Variants in ARID1B observed in about 807,000 individuals in gnomAD.
The protein encoded by ARID1B is AT-rich interactive domain-containing protein 1B.
Under a neutral mutation model 212.3 loss-of-function variants are expected in ARID1B, and 30 were observed. The ratio of observed to expected loss-of-function variants is 0.14; its 90% confidence interval spans 0.11 to 0.19. The LOEUF (loss-of-function observed/expected upper bound fraction) is 0.19. Among genes scored for constraint, ARID1B ranks in the 10% least tolerant of loss-of-function variants. The pLI, the probability that ARID1B is intolerant of heterozygous loss-of-function variation, is 1.00. For missense variants in ARID1B, 2,891 were observed against 3,204.0 expected (o/e 0.90, Z 2.36); for synonymous variants, 1,402 against 1,301.7 (o/e 1.08, Z -1.66).
At chr6:156,874,593 C>G (rs1035889541) in intron 2 of ARID1B, among the ~76,000 whole-genome samples, 8 of 152,196 alleles carry the variant, frequency 5.3e-5, no homozygotes, top group Middle Eastern at 3.2e-3. Context: ...AGTGTGGCCT[C>G]TCTTTTGCAT....
At chr6:157,008,917 C>G (rs1049175911) in intron 4 of ARID1B, among the ~76,000 whole-genome samples, 5 of 152,134 alleles carry the variant, frequency 3.3e-5, no homozygotes, top group African/African-American at 1.2e-4. Context: ...CCAACTGCCT[C>G]CAGTGTTAAG....
chr6:156,793,669 A>T (rs1425849838), intron 1 of ARID1B, among the ~76,000 whole-genome samples: 1 of 152,176 alleles, frequency 6.6e-6, no homozygotes, highest in African/African-American at 2.4e-5. Context: ...TGGGCTGCAT[A>T]GGACTGATAC....
intron 4 of ARID1B, chr6:156,942,891 T>G (rs1792784817): frequency 6.6e-6 from 1 of 152,286 alleles, no homozygotes; most frequent in Non-Finnish European, 1.5e-5. Flanking sequence ...GATTTTCACT[T>G]CGCAGGTAAC....
chr6:156,994,717 T>G (rs1369362266), intron 4 of ARID1B, among the ~76,000 whole-genome samples: 1 of 152,150 alleles, frequency 6.6e-6, no homozygotes, highest in Non-Finnish European at 1.5e-5. Flanking sequence ...TCAGTGACAT[T>G]TAGTAACCTG....
intron 1 of ARID1B, among the ~76,000 whole-genome samples, chr6:156,814,154 G>A (rs1004255747): frequency 2.2e-4 from 33 of 152,180 alleles, no homozygotes; most frequent in African/African-American, 7.0e-4. Flanking sequence ...GGTGGCTCAC[G>A]TCTGTAATTC....
At position 157,160,718 on chromosome 6, in the gene ARID1B, C is replaced by A. The variant is rs984969927; in HGVS notation, c.3090-6322C>A. Among the ~76,000 whole-genome samples, 3 of 152,224 alleles carry A rather than the reference C, an allele frequency of 2.0e-5. No individual in the cohort carries two copies. The East Asian group carries it at 5.8e-4, about 29-fold the overall frequency. ...CATAAGCCTGGCCCCGCACCACTCT[C>A]GCTTCTTATTTTGCTCTACCGCATT... is the stretch of plus-strand genomic sequence containing the variant. On this transcript the variant is annotated intron_variant, in intron 8 of 19. Transcript: ENST00000636930.
At chr6:156,794,814 C>T (rs1375388772) in intron 1 of ARID1B, among the ~76,000 whole-genome samples, 1 of 152,046 alleles carries the variant, frequency 6.6e-6, no homozygotes, top group Non-Finnish European at 1.5e-5. Context: ...TTCCTGAGCT[C>T]AAGTGATCCA....
intron 4 of ARID1B, among the ~76,000 whole-genome samples, chr6:157,067,074 C>A (rs949737732): frequency 1.3e-5 from 2 of 152,064 alleles, no homozygotes; most frequent in African/African-American, 2.4e-5. Flanking sequence ...ATAAAAAAAA[C>A]AAGAAGTGCT....
chr6:157,077,806 C>T lies in ARID1B; in HGVS notation c.2248-6856C>T, dbSNP rs534489439. Among the ~76,000 whole-genome samples, 4 of 152,300 alleles carry T rather than the reference C, an allele frequency of 2.6e-5. No individual in the cohort carries two copies. The South Asian group carries it at 6.2e-4, about 24-fold the overall frequency. On this transcript the variant is annotated intron_variant, in intron 4 of 19. Transcript: ENST00000636930. ...ATATGAATATAAAATGTCATCCACA[C>T]GTCAACACTGCCTTCTCCCTTTTTC...
At chr6:156,945,083 G>C (rs1792982047) in intron 4 of ARID1B, among the ~76,000 whole-genome samples, 1 of 144,214 alleles carries the variant, frequency 6.9e-6, no homozygotes, top group Non-Finnish European at 1.5e-5. Context: ...CCACCAAGTC[G>C]GGCTAATTTT....
At chr6:156,979,196 A>T (rs1180377502) in intron 4 of ARID1B, among the ~76,000 whole-genome samples, 4 of 152,218 alleles carry the variant, frequency 2.6e-5, no homozygotes, top group Non-Finnish European at 5.9e-5. Context: ...GTTGACAAGG[A>T]TCTCAACCTT....
intron 4 of ARID1B, among the ~76,000 whole-genome samples, chr6:157,048,764 G>T (rs1031336948): frequency 1.3e-5 from 2 of 152,166 alleles, no homozygotes; most frequent in Admixed American, 1.3e-4. Context: ...GATTACGATG[G>T]AATCACTAAG....
intron 1 of ARID1B, among the ~76,000 whole-genome samples, chr6:156,791,015 G>T (rs1433277401): frequency 6.6e-6 from 1 of 152,224 alleles, no homozygotes; most frequent in Non-Finnish European, 1.5e-5. Flanking sequence ...GAAAGATGGA[G>T]AAGATGAATT....
intron 4 of ARID1B, among the ~76,000 whole-genome samples, chr6:157,043,997 G>T (rs1782056948): frequency 6.6e-6 from 1 of 152,228 alleles, no homozygotes; most frequent in African/African-American, 2.4e-5. Flanking sequence ...CAGGGATGCA[G>T]TGGTAAGAAT....
At chr6:157,199,577 A>G (rs186841188) in intron 17 of ARID1B, among the ~76,000 whole-genome samples, 1 of 149,588 alleles carries the variant, frequency 6.7e-6, no homozygotes, top group Admixed American at 6.7e-5. Flanking sequence ...TTTGAAAACT[A>G]TATATATGTT....
At position 157,003,992 on chromosome 6, in the gene ARID1B, C is replaced by T. The variant is rs536739720; in HGVS notation, c.2247+68416C>T. On this transcript the variant is annotated intron_variant, in intron 4 of 19. Transcript: ENST00000636930. The stretch of plus-strand genomic sequence containing the variant: ...TCTACAAAAAGGACAAAAATTAGCC[C>T]GGTGTGGTGGTGCATGCCAGCAGAG... Among the ~76,000 whole-genome samples the T allele has an allele frequency of 2.4e-4, 37 of 152,046 alleles. No homozygotes were observed. The South Asian group carries it at 5.8e-3, about 24-fold the overall frequency.
At chr6:157,049,176 A>G (rs1025959225) in intron 4 of ARID1B, among the ~76,000 whole-genome samples, 33 of 64,312 alleles carry the variant, frequency 5.1e-4, no homozygotes, top group African/African-American at 1.8e-3. Flanking sequence ...CAGTCTGGAG[A>G]AAAAAAAAAA....
rs972061175 is a variant in ARID1B, at chr6:156,931,429, T to A, written c.2137-4037T>A. Among the ~76,000 whole-genome samples, 10 of 152,314 alleles carry A rather than the reference T, an allele frequency of 6.6e-5. No homozygotes were observed. In the South Asian group the frequency reaches 1.2e-3, roughly 19 times the overall value. On this transcript the variant is annotated intron_variant, in intron 3 of 19. Transcript: ENST00000636930. ...ACCCTTTCCTGTAGTAGAAGTGGGA[T>A]ACTAGTGTTTTCCTCCTGGTCATGT...
intron 4 of ARID1B, among the ~76,000 whole-genome samples, chr6:157,015,072 A>G (rs1779841748): frequency 6.6e-6 from 1 of 152,220 alleles, no homozygotes; most frequent in Non-Finnish European, 1.5e-5. Context: ...CTTTTAATCC[A>G]GCATTTTTCA....
Sources: gnomAD v4.1 joint callset for allele counts (sites outside exome capture counted in the v4.1 genomes callset) on GRCh38, gnomAD v4.1.1 for gene constraint, MANE v1.5 for transcripts, NCBI Gene and HGNC (gene_info 2026-07-23, HGNC 2026-07-21) for gene names.